Variants in SLC25A48 observed in about 807,000 individuals in gnomAD.
The protein encoded by SLC25A48 is CTC-321K16.1.
SLC25A48 carries 29 observed loss-of-function variants against 32.2 expected under a neutral mutation model. The ratio of observed to expected loss-of-function variants is 0.90; its 90% CI spans 0.67 to 1.23. The LOEUF is 1.23. Among genes scored for constraint, SLC25A48 ranks in the 50% most tolerant of loss-of-function variants. The pLI is 0.00. For synonymous variants in SLC25A48, 164 were observed against 172.3 expected (o/e 0.95, Z 0.38); for missense variants, 399 against 422.7 (o/e 0.94, Z 0.49).
chr5:135,879,611 A>AGAGAGTGT (rs1554087211), intron 6 of SLC25A48, among the ~76,000 whole-genome samples: 1 of 119,416 alleles, frequency 8.4e-6, no homozygotes, highest in Admixed American at 8.5e-5. Flanking sequence ...AGAGAGAGAG[A>AGAGAGTGT]GTGTGTGTGT....
intron 1 of SLC25A48, among the ~76,000 whole-genome samples, chr5:135,586,486 G>A (rs1322477099): frequency 6.6e-6 from 1 of 152,002 alleles, no homozygotes; most frequent in African/African-American, 2.4e-5. Flanking sequence ...CCAGAGGGTG[G>A]TAATGTGGTG....
At chr5:135,586,384 G>A (rs1183699377) in intron 1 of SLC25A48, among the ~76,000 whole-genome samples, 3 of 152,184 alleles carry the variant, frequency 2.0e-5, no homozygotes, top group African/African-American at 4.8e-5. Flanking sequence ...CAATATTTAC[G>A]GCATACTTAT....
chr5:135,865,414 G>C (rs1303838894), intron 4 of SLC25A48, among the ~76,000 whole-genome samples: 1 of 152,284 alleles, frequency 6.6e-6, no homozygotes, highest in East Asian at 1.9e-4. Flanking sequence ...CTGTCTGCTG[G>C]AGGATGTACA....
chr5:135,760,605 T>C (rs955696846), intron 3 of SLC25A48, among the ~76,000 whole-genome samples: 2 of 152,212 alleles, frequency 1.3e-5, no homozygotes, highest in African/African-American at 4.8e-5. Flanking sequence ...CCAGGTCAGC[T>C]GCTGGAGTGA....
chr5:135,884,237 G>A (rs1762643280), intron 7 of SLC25A48, among the ~76,000 whole-genome samples: 1 of 152,124 alleles, frequency 6.6e-6, no homozygotes, highest in Non-Finnish European at 1.5e-5. Context: ...AAAAATCTCT[G>A]TCTTAATAGA....
intron 3 of SLC25A48, among the ~76,000 whole-genome samples, chr5:135,809,016 A>G (rs1757533037): frequency 1.3e-5 from 2 of 152,044 alleles, no homozygotes; most frequent in South Asian, 4.2e-4. Flanking sequence ...TTAAAATGTT[A>G]TAGGCTGGGT....
chr5:135,818,054 CCTCTCTCTCTCTCTCTCT>C (rs58632457), intron 4 of SLC25A48, among the ~76,000 whole-genome samples: 5,751 of 80,542 alleles, frequency 0.071, 132 homozygotes, highest in East Asian at 0.16. Context: ...TCTCTCTGTT[CCTCTCTCTCTCTCTCTCT>C]CTCTCTCTCT....
chr5:135,742,084 T>C (rs115988467), intron 3 of SLC25A48, among the ~76,000 whole-genome samples: 1,943 of 152,270 alleles, frequency 0.013, 26 homozygotes, highest in Non-Finnish European at 0.022. Context: ...TTTTTGTTTA[T>C]TTATTTATTT....
chr5:135,638,076 G>A (rs1752747237), intron 3 of SLC25A48, among the ~76,000 whole-genome samples: 1 of 152,178 alleles, frequency 6.6e-6, no homozygotes. Context: ...CATCATCTAT[G>A]CATGTGAAGA....
intron 3 of SLC25A48, among the ~76,000 whole-genome samples, chr5:135,703,905 G>T: frequency 6.6e-6 from 1 of 152,170 alleles, no homozygotes; most frequent in East Asian, 1.9e-4. Context: ...GGGGGGAAAG[G>T]ACCACAGAGT....
chr5:135,757,053 T>C (rs1755930331), intron 3 of SLC25A48, among the ~76,000 whole-genome samples: 1 of 150,268 alleles, frequency 6.7e-6, no homozygotes, highest in South Asian at 2.1e-4. Context: ...TATGATATGA[T>C]ATCTAGTGTT....
intron 2 of SLC25A48, among the ~76,000 whole-genome samples, chr5:135,845,163 C>G (rs979307393): frequency 5.3e-5 from 8 of 152,222 alleles, no homozygotes; most frequent in Admixed American, 2.6e-4. Context: ...CCACATGGTC[C>G]TCTACCAGCT....
At chr5:135,653,566 A>G (rs917749092) in intron 3 of SLC25A48, among the ~76,000 whole-genome samples, 1 of 152,234 alleles carries the variant, frequency 6.6e-6, no homozygotes, top group African/African-American at 2.4e-5. Flanking sequence ...ATAGATATCA[A>G]TTATAACCTC....
chr5:135,791,246 T>A (rs529085040), intron 3 of SLC25A48, among the ~76,000 whole-genome samples: 1 of 151,956 alleles, frequency 6.6e-6, no homozygotes, highest in South Asian at 2.1e-4. Context: ...TGATATTATG[T>A]CTTATGTCAC....
chr5:135,700,669 A>G (rs193256422), intron 3 of SLC25A48, among the ~76,000 whole-genome samples: 54 of 152,236 alleles, frequency 3.5e-4, no homozygotes, highest in African/African-American at 1.2e-3. Context: ...GGTTGTAAAT[A>G]CTGTTCTCAA....
chr5:135,723,380 T>TCTCTCTCACA (rs1356362581), intron 3 of SLC25A48, among the ~76,000 whole-genome samples: 3 of 111,714 alleles, frequency 2.7e-5, no homozygotes, highest in African/African-American at 1.0e-4. Context: ...TCTCTCTCTC[T>TCTCTCTCACA]CACACACACA....
chr5:135,864,862 C>A (rs1761069863), intron 4 of SLC25A48, among the ~76,000 whole-genome samples: 1 of 152,164 alleles, frequency 6.6e-6, no homozygotes, highest in Non-Finnish European at 1.5e-5. Context: ...GACTTAACAC[C>A]AGTATTGGTC....
chr5:135,675,870 A>C (rs114958516), intron 3 of SLC25A48, among the ~76,000 whole-genome samples: 1,862 of 152,064 alleles, frequency 0.012, 45 homozygotes, highest in African/African-American at 0.043. Flanking sequence ...GTCCTCTTCA[A>C]TTTTTTAAAT....
At position 135,605,952 on chromosome 5, in the gene SLC25A48, G is replaced by A. The variant is rs145073316; in HGVS notation, c.-848-23285G>A. Among the ~76,000 whole-genome samples, 1,048 of 152,208 alleles carry A rather than the reference G, an allele frequency of 6.9e-3. 10 individuals are homozygous for A. The highest frequency in any genetic ancestry group is 0.023 in the African/African-American group (942 of 41,512). On this transcript the variant is annotated intron_variant, in intron 1 of 10. Coordinates refer to the SLC25A48 transcript ENST00000646290. ...TTTTCCAATTTAAGATTCAGCTCAA[G>A]CAATGCATATTTGAACACCCCAAAT...
Sources: gnomAD v4.1 joint callset for allele counts (sites outside exome capture counted in the v4.1 genomes callset) on GRCh38, gnomAD v4.1.1 for gene constraint, MANE v1.5 for transcripts, NCBI Gene and HGNC (gene_info 2026-07-23, HGNC 2026-07-21) for gene names.